Variants in PAPOLA observed in about 807,000 individuals in gnomAD.
PAPOLA encodes the protein poly(A) polymerase alpha.
PAPOLA carries 15 observed loss-of-function variants against 100.6 expected under a neutral mutation model. That is an observed-to-expected ratio of 0.15 (90% CI 0.10 to 0.23). PAPOLA has a LOEUF of 0.23. Among genes scored for constraint, PAPOLA ranks in the 10% least tolerant of loss-of-function variants. The probability of loss-of-function intolerance (pLI) is 1.00; values close to 1 mark genes in which losing one functional copy is unlikely to be tolerated. For synonymous variants in PAPOLA, 293 were observed against 300.0 expected (o/e 0.98, Z 0.24); for missense variants, 533 against 884.2 (o/e 0.60, Z 5.04).
chr14:96,562,676 A>G, intron 20 of PAPOLA, 143 bp from the exon 21 acceptor site: 2 of 565,318 alleles, frequency 3.5e-6, no homozygotes, highest in Non-Finnish European at 6.4e-6. Context: ...TACTGACTAG[A>G]TGTTTTTGTA....
At chr14:96,544,098 G>A (rs1479781930) in intron 14 of PAPOLA, 51 bp from the exon 15 acceptor site, 1 of 951,622 alleles carries the variant, frequency 1.1e-6, no homozygotes, top group Admixed American at 1.9e-5. Flanking sequence ...CACACTGATA[G>A]CTACATTTTC....
rs1896337763 is a variant in PAPOLA, at chr14:96,502,466, G to C, written c.-127G>C. The C allele has an allele frequency of 1.3e-6, 1 of 741,642 alleles. No homozygotes were observed. 45.9% of individuals were successfully genotyped at this position (741,642 alleles called of 1,614,324 possible). On this transcript the variant is annotated 5_prime_UTR_variant, in exon 1 of 22. Coordinates refer to ENST00000216277, the MANE Select transcript of PAPOLA (RefSeq NM_032632.5). ...CGCTTAAAGCGGCGGGAGCGGTGCGGGAGAGGGGTTGGACCCAGGGCTGAG... is the reference window on the plus strand; with the variant it reads ...CGCTTAAAGCGGCGGGAGCGGTGCGCGAGAGGGGTTGGACCCAGGGCTGAG...
chr14:96,565,744 A>G lies in PAPOLA; in HGVS notation c.*694A>G. The stretch of plus-strand genomic sequence containing the variant: ...TATGGAATTGTTTTATAGTGCATAC[A>G]AATCAGCGATCAGCCAGCAAATATT... On this transcript the variant is annotated 3_prime_UTR_variant, in exon 22 of 22. Coordinates refer to ENST00000216277, the MANE Select transcript of PAPOLA (RefSeq NM_032632.5). 1 of 398,208 alleles carries G rather than the reference A, an allele frequency of 2.5e-6. No homozygotes were observed. Among genetic ancestry groups the G allele is most frequent in the Non-Finnish European group, 4.4e-6 (1 of 225,714 alleles). The allele number at this position is 398,208 out of a possible 1,614,324, so 24.7% of individuals were successfully genotyped here. A position where few individuals can be genotyped will look rare whatever the true frequency, so the allele number is the denominator to read the frequency against.
intron 16 of PAPOLA, among the ~76,000 whole-genome samples, chr14:96,551,007 C>T (rs1900805925): frequency 6.6e-6 from 1 of 152,122 alleles, no homozygotes. Flanking sequence ...TGAATTGGAC[C>T]TAGGTCTGAC....
chr14:96,558,148 GT>G (rs58949847), intron 19 of PAPOLA, among the ~76,000 whole-genome samples: 144,459 of 152,002 alleles, frequency 0.95, 68,671 homozygotes, highest in East Asian at 1. Flanking sequence ...AGTTTTTGGG[GT>G]TTTTTTTGTT....
In PAPOLA at chr14:96,547,081, TA is replaced by T. The variant is rs111482972; in HGVS notation, c.1400-715del. 7.2e-5 allele frequency among the ~76,000 whole-genome samples: 11 copies of T among 152,302 alleles called. 2 individuals carry two copies. Among genetic ancestry groups the T allele is most frequent in the African/African-American group, 2.6e-4 (11 of 41,580 alleles). Reference sequence around the variant, plus strand: ...CTGACACGGACTATAGTTTATGTTTTATTTTTTTGTGTTTATTCTATTCTCC... The same window carrying T: ...CTGACACGGACTATAGTTTATGTTTTTTTTTTTGTGTTTATTCTATTCTCC... On this transcript the variant is annotated intron_variant, in intron 15 of 21. Transcript: ENST00000216277.
intron 13 of PAPOLA, chr14:96,542,523 ATATT>A (rs139768425): frequency 0.026 from 14,264 of 542,726 alleles, 287 homozygotes; most frequent in African/African-American, 0.076. Context: ...TCTTAATTGT[ATATT>A]TAAAGTGCAC....
At chr14:96,509,684 A>G (rs2140228727) in intron 1 of PAPOLA, among the ~76,000 whole-genome samples, 1 of 152,340 alleles carries the variant, frequency 6.6e-6, no homozygotes, top group Non-Finnish European at 1.5e-5. Context: ...AACCTGTGGC[A>G]GCATGTTACT....
intron 15 of PAPOLA, among the ~76,000 whole-genome samples, chr14:96,546,148 A>G (rs975122719): frequency 2.0e-5 from 3 of 152,088 alleles, no homozygotes; most frequent in Non-Finnish European, 4.4e-5. Flanking sequence ...TGGTTGTTCA[A>G]CCTAGAGACA....
At chr14:96,526,107 TGTA>T (rs1167078493) in intron 4 of PAPOLA, 1 of 152,264 alleles carries the variant, frequency 6.6e-6, no homozygotes, top group Non-Finnish European at 1.5e-5. Flanking sequence ...AGTTTATACT[TGTA>T]GTTATTTCCT....
chr14:96,502,918 A>T (rs954299716), intron 1 of PAPOLA: 3 of 363,502 alleles, frequency 8.3e-6, no homozygotes, highest in Admixed American at 4.6e-5. Context: ...TCCACAAAGA[A>T]AATCAAAACA....
chr14:96,543,498 G>T (rs998209549), intron 14 of PAPOLA, among the ~76,000 whole-genome samples: 1 of 151,984 alleles, frequency 6.6e-6, no homozygotes, highest in Admixed American at 6.6e-5. Context: ...AAATAAAGCA[G>T]CATTAAAACA....
At chr14:96,508,825 A>G (rs1179473096) in intron 1 of PAPOLA, among the ~76,000 whole-genome samples, 1 of 152,214 alleles carries the variant, frequency 6.6e-6, no homozygotes, top group Non-Finnish European at 1.5e-5. Flanking sequence ...TTTATGATTT[A>G]CAAAGCAGCA....
chr14:96,509,103 GT>G (rs1399518410), intron 1 of PAPOLA, among the ~76,000 whole-genome samples: 1 of 152,032 alleles, frequency 6.6e-6, no homozygotes, highest in East Asian at 1.9e-4. Context: ...GTGATCATGG[GT>G]CACTGCAGGC....
intron 3 of PAPOLA, among the ~76,000 whole-genome samples, chr14:96,523,080 T>C (rs1197088324): frequency 1.3e-5 from 2 of 152,230 alleles, no homozygotes; most frequent in African/African-American, 2.4e-5. Context: ...TTCTAAATTA[T>C]GGACTTTACG....
chr14:96,562,933 CTTAAGA>C (rs1326902037), intron 21 of PAPOLA, 40 bp downstream of exon 21: 1 of 1,191,104 alleles, frequency 8.4e-7, no homozygotes, highest in East Asian at 2.3e-5. Flanking sequence ...TGTAAATGTC[CTTAAGA>C]TTAGTGTGGT....
At chr14:96,538,592 T>C (rs1215179564) in intron 12 of PAPOLA, among the ~76,000 whole-genome samples, 4 of 152,024 alleles carry the variant, frequency 2.6e-5, no homozygotes, top group African/African-American at 9.6e-5. Context: ...TAGAGGAAAT[T>C]ACATCAGGAA....
intron 20 of PAPOLA, chr14:96,562,503 T>C (rs1901941326): frequency 5.7e-6 from 1 of 176,558 alleles, no homozygotes; most frequent in Admixed American, 5.8e-5. Context: ...TGGGCAACAT[T>C]TCATGATGTG....
At chr14:96,551,997 G>A (rs1900883147) in intron 16 of PAPOLA, among the ~76,000 whole-genome samples, 1 of 152,124 alleles carries the variant, frequency 6.6e-6, no homozygotes, top group African/African-American at 2.4e-5. Flanking sequence ...GTGGCAATAA[G>A]TTACACTTTT....
Sources: allele counts gnomAD v4.1 joint callset (sites outside exome capture counted in the v4.1 genomes callset), GRCh38; gene constraint gnomAD v4.1.1; transcripts MANE v1.5; gene names NCBI Gene and HGNC (gene_info 2026-07-23, HGNC 2026-07-21).